Variants in PLAT observed in about 807,000 individuals in gnomAD.
PLAT encodes the protein plasminogen activator, tissue type, also known as tissue-type plasminogen activator.
Under a neutral mutation model 74.9 loss-of-function variants are expected in PLAT, and 48 were observed. That is an observed-to-expected ratio of 0.64 (90% CI 0.51 to 0.82). The LOEUF (loss-of-function observed/expected upper bound fraction) is 0.82, where lower values mean the gene tolerates loss of function less well. PLAT is among the 40% of genes least tolerant of loss of function. The pLI, the probability that PLAT is intolerant of heterozygous loss-of-function variation, is 0.00. For missense variants in PLAT, 673 were observed against 736.2 expected (o/e 0.91, Z 0.99); for synonymous variants, 307 against 294.4 (o/e 1.04, Z -0.44).
chr8:42,188,179 C>A (rs1344149525), intron 4 of PLAT, 163 bp from the exon 5 acceptor site: 1 of 533,508 alleles, frequency 1.9e-6, no homozygotes, highest in South Asian at 2.7e-5. Context: ...TTTCATCCTG[C>A]CTTTGGTTGA....
intron 1 of PLAT, among the ~76,000 whole-genome samples, chr8:42,194,109 G>T (rs1219685991): frequency 7.7e-6 from 1 of 130,326 alleles, no homozygotes; most frequent in Non-Finnish European, 1.6e-5. Context: ...CTGGAGTGCA[G>T]TGGCATGAAC....
chr8:42,193,358 T>G (rs758874520), intron 1 of PLAT, 147 bp from the exon 2 acceptor site: 15 of 604,988 alleles, frequency 2.5e-5, no homozygotes, highest in Non-Finnish European at 4.1e-5. Flanking sequence ...TAGAAGAGGA[T>G]TCTAGAAACT....
intron 1 of PLAT, among the ~76,000 whole-genome samples, chr8:42,204,002 C>T (rs1057412848): frequency 0.029 from 3,619 of 126,750 alleles, 130 homozygotes; most frequent in African/African-American, 0.08. Flanking sequence ...TACACACACA[C>T]ACACACACAC....
chr8:42,188,816 G>A, intron 4 of PLAT, 118 bp downstream of exon 4: 1 of 789,916 alleles, frequency 1.3e-6, no homozygotes. Context: ...AGAGACAGGG[G>A]ACTTGCTATG....
chr8:42,189,217 C>A (rs922552804), intron 3 of PLAT, 146 bp from the exon 4 acceptor site: 3 of 799,038 alleles, frequency 3.8e-6, no homozygotes, highest in Admixed American at 2.5e-5. Context: ...AACTGGAAGA[C>A]AACAAGATAA....
chr8:42,181,529 A>G (rs1444609219), intron 9 of PLAT, among the ~76,000 whole-genome samples: 3 of 152,142 alleles, frequency 2.0e-5, no homozygotes, highest in African/African-American at 7.2e-5. Context: ...CTTCCTACTC[A>G]GTAAACTGGA....
At position 42,180,278 on chromosome 8, in the gene PLAT, T is replaced by C. The variant is rs1486585530; in HGVS notation, c.1186A>G (p.Lys396Glu). The C allele has an allele frequency of 6.2e-7, 1 of 1,614,248 alleles. No homozygotes were observed. The highest frequency in any genetic ancestry group is 2.2e-5 in the East Asian group (1 of 44,888). Reference protein sequence around the residue: ...KFEVEKYIVHKEFDDDTYDND... With the variant: ...KFEVEKYIVHEEFDDDTYDND... ...TCGTAAGTGTCATCATCGAATTCCTTATGGACAATGTATTTTTCGACTTCA... is the reference window on the plus strand; with the variant it reads ...TCGTAAGTGTCATCATCGAATTCCTCATGGACAATGTATTTTTCGACTTCA... The change falls in exon 11 of 14, where the codon AAG (lysine) becomes GAG (glutamate). Residue 396 changes from lysine to glutamate, a missense_variant. Physicochemically the swap from Lys to Glu is moderately conservative, Grantham distance 56 (BLOSUM62 1). Coordinates refer to ENST00000220809, the MANE Select transcript of PLAT (RefSeq NM_000930.5).
chr8:42,179,058 G>A lies in PLAT; in HGVS notation c.1369C>T (p.Pro457Ser). The change falls in exon 13 of 14, where the codon CCT (proline) becomes TCT (serine). Residue 457 changes from proline (P) to serine (S), a missense_variant. Transcript: ENST00000220809. ...TCCTTCAGCCGCTCCGAATAGAAAG[G>A]AGACACTGAAAGGGGAGAACCATCA... ...SGYGKHEALS[P>S]FYSERLKEAH... is the part of the protein sequence containing the mutation. 6.2e-7 allele frequency: 1 copy of A among 1,610,756 alleles called. No homozygotes were observed. The highest frequency in any genetic ancestry group is 8.5e-7 in the Non-Finnish European group (1 of 1,177,830).
Position 42,189,062 on chromosome 8 carries a change from C to T in PLAT, c.125G>A (p.Arg42Lys). 3 of 1,613,164 alleles carry T rather than the reference C, an allele frequency of 1.9e-6. No homozygotes were observed. The highest frequency in any genetic ancestry group is 2.5e-6 in the Non-Finnish European group (3 of 1,179,200). ...RGARSYQVICRDEKTQMIYQQ... is the reference protein window; with the variant it reads ...RGARSYQVICKDEKTQMIYQQ... ...GTATATCATCTGCGTTTTTTCATCT[C>T]TGCAGATCACTATGAGAAAAGACAG... Residue 42 changes from arginine to lysine, a missense_variant, in exon 4 of 14, where the codon AGA (arginine) becomes AAA (lysine). Arg to Lys is a conservative substitution (Grantham distance 26). Coordinates refer to ENST00000220809, the MANE Select transcript of PLAT (RefSeq NM_000930.5).
chr8:42,196,727 T>C (rs1343630464), intron 1 of PLAT, among the ~76,000 whole-genome samples: 2 of 151,702 alleles, frequency 1.3e-5, no homozygotes, highest in Admixed American at 6.6e-5. Context: ...GAGATGACAT[T>C]GGCGGAAGGG....
rs1344239420 is a variant in PLAT, at chr8:42,188,017, C to T, written c.254-1G>A. ...TTGAAACACCTTGGCTCGCTGCAAC[C>T]TGTCAAGTATAAAAAAGGAAGCCCC... On this transcript the variant is annotated splice_acceptor_variant, in intron 4 of 13. Coordinates refer to ENST00000220809, the MANE Select transcript of PLAT (RefSeq NM_000930.5). LOFTEE classifies it high-confidence loss of function. The T allele has an allele frequency of 1.9e-6, 3 of 1,596,334 alleles. No individual in the cohort carries two copies. Among genetic ancestry groups the T allele is most frequent in the Non-Finnish European group, 1.7e-6 (2 of 1,164,238 alleles).
chr8:42,179,940 C>G lies in PLAT; in HGVS notation c.1349G>C (p.Gly450Ala). 6.2e-7 allele frequency: 1 copy of G among 1,600,456 alleles called. No homozygotes were observed. Among genetic ancestry groups the G allele is most frequent in the Non-Finnish European group, 8.5e-7 (1 of 1,171,850 alleles). Residue 450 changes from glycine (G) to alanine (A), a missense_variant, in exon 12 of 14, where the codon GGC becomes GCC. Coordinates refer to ENST00000220809, the MANE Select transcript of PLAT (RefSeq NM_000930.5). Reference protein sequence around the residue: ...DWTECELSGYGKHEALSPFYS... With the variant: ...DWTECELSGYAKHEALSPFYS... ...CTTCCACTTACAGGCCTCATGCTTG[C>G]CGTAGCCGGAGAGCTCACACTCCGT...
chr8:42,193,706 T>C (rs1480277945), intron 1 of PLAT: 1 of 141,864 alleles, frequency 7.0e-6, no homozygotes, highest in African/African-American at 2.6e-5. Context: ...ATCCATGCTG[T>C]AGCATGTCCT....
intron 9 of PLAT, among the ~76,000 whole-genome samples, chr8:42,181,102 C>T (rs926329817): frequency 1.3e-5 from 2 of 152,224 alleles, no homozygotes; most frequent in Non-Finnish European, 2.9e-5. Flanking sequence ...GCAAAGCTTT[C>T]CTGACGTCCC....
chr8:42,178,801 CT>C, intron 13 of PLAT, 95 bp downstream of exon 13: 1 of 1,197,712 alleles, frequency 8.3e-7, no homozygotes. Flanking sequence ...AATCACTCCA[CT>C]CTGGTGATAA....
intron 12 of PLAT, among the ~76,000 whole-genome samples, chr8:42,179,698 C>A (rs1178922632): frequency 6.6e-6 from 1 of 152,216 alleles, no homozygotes; most frequent in Admixed American, 6.5e-5. Context: ...TTCCCAACAC[C>A]TGCAGCACTT....
At chr8:42,194,994 G>C (rs1325361647) in intron 1 of PLAT, among the ~76,000 whole-genome samples, 1 of 152,122 alleles carries the variant, frequency 6.6e-6, no homozygotes, top group Non-Finnish European at 1.5e-5. Context: ...TAGGTTAGTC[G>C]GCCGGGTGTT....
Position 42,176,051 on chromosome 8 carries a change from C to T in PLAT, c.1631G>A (p.Gly544Asp). The change falls in exon 14 of 14, where the codon GGT (glycine) becomes GAT (aspartate). Residue 544 changes from glycine (G) to aspartate (D), a missense_variant. Transcript: ENST00000220809. ...GTAGTTGGTAACCTTGGTGTACACA[C>T]CCGGGACATCCTTCTGTCCACAGCC... ...GLGCGQKDVP[G>D]VYTKVTNYLD... 2 of 1,614,124 alleles carry T rather than the reference C, an allele frequency of 1.2e-6. No individual in the cohort carries two copies. Among genetic ancestry groups the T allele is most frequent in the Non-Finnish European group, 1.7e-6 (2 of 1,179,996 alleles).
intron 1 of PLAT, among the ~76,000 whole-genome samples, chr8:42,198,635 C>CT (rs1806010657): frequency 6.6e-6 from 1 of 152,178 alleles, no homozygotes; most frequent in African/African-American, 2.4e-5. Flanking sequence ...AAGGCAGAAA[C>CT]GTGAGCAAGC....
Sources: gnomAD v4.1 joint callset for allele counts (sites outside exome capture counted in the v4.1 genomes callset) on GRCh38, gnomAD v4.1.1 for gene constraint, MANE v1.5 for transcripts, NCBI Gene and HGNC (gene_info 2026-07-23, HGNC 2026-07-21) for gene names.